Variants in ZNF878 observed in about 807,000 individuals in gnomAD.
ZNF878 encodes zinc finger protein 878.
A neutral mutation model predicts 11.1 loss-of-function variants in ZNF878; 10 were observed. That is an observed-to-expected ratio of 0.90 (90% CI 0.56 to 1.53). ZNF878 has a LOEUF of 1.53. ZNF878 is among the 40% of genes most tolerant of loss of function. The probability of loss-of-function intolerance (pLI) is 0.00; values close to 1 mark genes in which losing one functional copy is unlikely to be tolerated. For synonymous variants in ZNF878, 165 were observed against 209.7 expected, an observed-to-expected ratio of 0.79 and a Z score of 1.84; for missense variants, 548 against 626.1, an observed-to-expected ratio of 0.88 and a Z score of 1.33.
rs1348581199 is a variant in ZNF878, at chr19:12,044,209, TAC to T, written c.1190_1191del (p.Cys397Ter). 2 of 1,614,164 alleles carry T rather than the reference TAC, an allele frequency of 1.2e-6. No individual in the cohort carries two copies. Among genetic ancestry groups the T allele is most frequent in the East Asian group, 4.5e-5 (2 of 44,880 alleles). The part of the protein sequence containing the change: ...RTHTGEKPYE[C>X]KQCGKAFRSA... Reference sequence around the variant, plus strand: ...GATCTGAAGGCTTTCCCACATTGCTTACACTCATAGGGTTTCTCTCCAGTGTG... The same window carrying T: ...GATCTGAAGGCTTTCCCACATTGCTTACTCATAGGGTTTCTCTCCAGTGTG... On this transcript the variant is annotated frameshift_variant, in exon 4 of 4. Transcript: ENST00000547628. LOFTEE classifies it low-confidence loss of function (END_TRUNC).
Position 12,044,577 on chromosome 19 carries a change from C to T in ZNF878, c.824G>A (p.Arg275Lys), listed in dbSNP as rs768501176. Residue 275 changes from arginine to lysine, a missense_variant, in exon 4 of 4, where the codon AGG (arginine) becomes AAG (lysine). Coordinates refer to ENST00000547628, the MANE Select transcript of ZNF878 (RefSeq NM_001080404.3). ...ATAGGGTTTCTCTCCACTGTGAGTC[C>T]TTTCATGATATTGAAAGGAACTGGG... is the stretch of plus-strand genomic sequence containing the variant. ...NCPSSFQYHE[R>K]THSGEKPYEC... is the part of the protein sequence containing the mutation. 1.9e-6 allele frequency: 3 copies of T among 1,613,888 alleles called. No homozygotes were observed. Among genetic ancestry groups the T allele is most frequent in the African/African-American group, 1.3e-5 (1 of 74,858 alleles).
chr19:12,046,089 T>G (rs1337680114), intron 3 of ZNF878: 3 of 369,468 alleles, frequency 8.1e-6, no homozygotes, highest in Non-Finnish European at 1.4e-5. Flanking sequence ...TAGTTTTGAG[T>G]CAGGGTCTCA....
intron 1 of ZNF878, among the ~76,000 whole-genome samples, chr19:12,049,168 T>C (rs1336163398): frequency 2.8e-5 from 4 of 141,178 alleles, no homozygotes; most frequent in Admixed American, 7.2e-5. Flanking sequence ...ATAATACAGC[T>C]ACAAAGAATA....
rs368251774 is a variant in ZNF878, at chr19:12,048,887, G to A, written c.4-2127C>T. Among the ~76,000 whole-genome samples, 16 of 150,506 alleles carry A rather than the reference G, an allele frequency of 1.1e-4. No homozygotes were observed. In the East Asian group the frequency reaches 1.4e-3, roughly 13 times the overall value. ...AAGAAAAGAAAGAAAGGCTGGGCGC[G>A]GTGCCTCAGCACTTTGGGAAACTGA... On this transcript the variant is annotated intron_variant, in intron 1 of 3. Coordinates refer to ENST00000547628, the MANE Select transcript of ZNF878 (RefSeq NM_001080404.3).
In ZNF878 at chr19:12,048,525, G is replaced by GA. The variant is rs894167458; in HGVS notation, c.4-1766dup. Among the ~76,000 whole-genome samples, 169 of 117,818 alleles carry GA rather than the reference G, an allele frequency of 1.4e-3. 1 individual carries two copies. Among genetic ancestry groups the GA allele is most frequent in the Admixed American group, 3.9e-3 (46 of 11,750 alleles). The allele number at this position is 117,818 out of a possible 152,430, so 77.3% of individuals were successfully genotyped here. On this transcript the variant is annotated intron_variant, in intron 1 of 3. Coordinates refer to ENST00000547628, the MANE Select transcript of ZNF878 (RefSeq NM_001080404.3). ...TGAACGAGACTCCATCTCAAAAAAA[G>GA]AAAAAAAAAAAAGAAAAAATATGGC...
At chr19:12,049,358 G>A (rs1975527775) in intron 1 of ZNF878, among the ~76,000 whole-genome samples, 1 of 143,538 alleles carries the variant, frequency 7.0e-6, no homozygotes, top group South Asian at 2.2e-4. Context: ...CTACTTGGGA[G>A]GCTGAGGAAG....
chr19:12,044,309 C>G lies in ZNF878; in HGVS notation c.1092G>C (p.Glu364Asp). The G allele has an allele frequency of 6.2e-7, 1 of 1,612,840 alleles. No homozygotes were observed. The highest frequency in any genetic ancestry group is 8.5e-7 in the Non-Finnish European group (1 of 1,179,134). The change falls in exon 4 of 4, where the codon GAG becomes GAC. Residue 364 changes from glutamate to aspartate, a missense_variant. Glu to Asp is a conservative substitution (Grantham distance 45). Coordinates refer to ENST00000547628, the MANE Select transcript of ZNF878 (RefSeq NM_001080404.3). ...LRIHERTHTG[E>D]KPFECKQCGK... is the part of the protein sequence containing the mutation. ...CACATTGTTTACATTCAAAGGGTTT[C>G]TCTCCAGTGTGTGTCCTTTCATGTA...
chr19:12,043,708 T>G, downstream of ZNF878: 42 of 1,245,226 alleles, frequency 3.4e-5, no homozygotes, highest in Non-Finnish European at 4.6e-5. Flanking sequence ...CCCAAAATGC[T>G]GAGATTACAG....
rs374645750 is a variant in ZNF878 at position 12,044,064 on chromosome 19, G to C, written c.1337C>G (p.Thr446Arg). The C allele has an allele frequency of 3.2e-5, 51 of 1,614,060 alleles. No individual in the cohort carries two copies. The African/African-American group carries it at 5.6e-4, about 18-fold the overall frequency. The change falls in exon 4 of 4, where the codon ACA becomes AGA. Residue 446 changes from threonine (T) to arginine (R), a missense_variant. Thr to Arg is a moderately conservative substitution (Grantham distance 71). Transcript: ENST00000547628. ...SQLKMHERTH[T>R]GEKPYECKQC... Reference sequence around the variant, plus strand: ...CTTACACTCATAGGGTTTCTCTCCTGTGTGAGTCCTTTCATGCATTTTAAG... The same window carrying C: ...CTTACACTCATAGGGTTTCTCTCCTCTGTGAGTCCTTTCATGCATTTTAAG...
rs759839339 is a variant in ZNF878, at chr19:12,045,097, A to T, written c.304T>A (p.Tyr102Asn). ...LKKKTPGVQS[Y>N]ESSVCGEIGI... ...ATTTCTCCACACACACTGCTTTCAT[A>T]TGATTGTACTCCAGGAGTTTTCTTC... The change falls in exon 4 of 4, where the codon TAT (tyrosine) becomes AAT (asparagine). Residue 102 changes from tyrosine to asparagine, a missense_variant. Physicochemically the swap from Tyr to Asn is moderately radical, Grantham distance 143. This residue lies in a region of ZNF878 where 160 missense variants were observed against 173.3 expected (regional missense o/e 0.92). Coordinates refer to ENST00000547628, the MANE Select transcript of ZNF878 (RefSeq NM_001080404.3). 2 of 1,613,552 alleles carry T rather than the reference A, an allele frequency of 1.2e-6. No individual in the cohort carries two copies. The highest frequency in any genetic ancestry group is 1.7e-6 in the Non-Finnish European group (2 of 1,179,690).
At chr19:12,051,629 G>A (rs932394942) in intron 1 of ZNF878, among the ~76,000 whole-genome samples, 2 of 152,082 alleles carry the variant, frequency 1.3e-5, no homozygotes, top group Admixed American at 6.6e-5. Flanking sequence ...AAAATTGGCC[G>A]GGCGCAGTGG....
In ZNF878 at chr19:12,043,843, A is replaced by G. The variant is rs1440533253; in HGVS notation, c.1558T>C (p.Ser520Pro). Residue 520 changes from serine to proline, a missense_variant, in exon 4 of 4, where the codon TCA becomes CCA. Physicochemically the swap from Ser to Pro is moderately conservative, Grantham distance 74. Transcript: ENST00000547628. ...KQCGKAFRSA[S>P]ILQKHVRTHA... is the part of the protein sequence containing the mutation. Reference sequence around the variant, plus strand: ...GTCCTTACATGCTTTTGAAGGATTGAGGCAGATCTAAAGGCTTTACCACAT... The same window carrying G: ...GTCCTTACATGCTTTTGAAGGATTGGGGCAGATCTAAAGGCTTTACCACAT... The G allele has an allele frequency of 6.2e-7, 1 of 1,611,462 alleles. No individual in the cohort carries two copies. The highest frequency in any genetic ancestry group is 8.5e-7 in the Non-Finnish European group (1 of 1,179,148).
Position 12,044,517 on chromosome 19 carries a change from A to G in ZNF878, c.884T>C (p.Val295Ala). 6.2e-7 allele frequency: 1 copy of G among 1,611,712 alleles called. No homozygotes were observed. The highest frequency in any genetic ancestry group is 8.5e-7 in the Non-Finnish European group (1 of 1,179,332). ...TCTTTCATGTACTCGCAGGTACTTG[A>G]CAGATCTGAAGGCTTTCCTACATTG... ...CTQCRKAFRS[V>A]KYLRVHERKH... The change falls in exon 4 of 4, where the codon GTC (valine) becomes GCC (alanine). Residue 295 changes from valine to alanine, a missense_variant. Val to Ala is a moderately conservative substitution (Grantham distance 64). Around this residue, in one of 3 missense-constraint regions of ZNF878, gnomAD observed 335 missense variants for 358.2 expected, o/e 0.94. Transcript: ENST00000547628.
chr19:12,043,973 C>T lies in ZNF878; in HGVS notation c.1428G>A (p.Glu476=). The T allele has an allele frequency of 2.5e-6, 4 of 1,610,788 alleles. No individual in the cohort carries two copies. Among genetic ancestry groups the T allele is most frequent in the Non-Finnish European group, 3.4e-6 (4 of 1,177,698 alleles). The part of the protein sequence containing the change: ...IRYHKRTHTG[E]KPYKCKQCGK... ...CACACTGTTTACATTTATAGGGTTTCTCTCCAGTGTGAGTCCTTTTATGAT... is the reference window on the plus strand; with the variant it reads ...CACACTGTTTACATTTATAGGGTTTTTCTCCAGTGTGAGTCCTTTTATGAT... The change falls in exon 4 of 4, where the codon GAG becomes GAA. Residue 476 remains glutamate, a synonymous_variant. Coordinates refer to ENST00000547628, the MANE Select transcript of ZNF878 (RefSeq NM_001080404.3).
rs1235205062 is a variant in ZNF878 at position 12,045,070 on chromosome 19, C to T, written c.331G>A (p.Gly111Ser). ...CTATTAAGGGATGAAAGACCTATGCCGATTTCTCCACACACACTGCTTTCA... is the reference window on the plus strand; with the variant it reads ...CTATTAAGGGATGAAAGACCTATGCTGATTTCTCCACACACACTGCTTTCA... Reference protein sequence around the residue: ...SYESSVCGEIGIGLSSLNRHL... With the variant: ...SYESSVCGEISIGLSSLNRHL... Residue 111 changes from glycine (G) to serine (S), a missense_variant, in exon 4 of 4, where the codon GGC becomes AGC. Around this residue, in one of 3 missense-constraint regions of ZNF878, gnomAD observed 160 missense variants for 173.3 expected, o/e 0.92. Coordinates refer to ENST00000547628, the MANE Select transcript of ZNF878 (RefSeq NM_001080404.3). 17 of 1,613,842 alleles carry T rather than the reference C, an allele frequency of 1.1e-5. No homozygotes were observed. Among genetic ancestry groups the T allele is most frequent in the East Asian group, 2.2e-5 (1 of 44,868 alleles).
chr19:12,049,474 A>AAAAAAAAAAAAAAAAAAAAAAAT (rs1975530008), intron 1 of ZNF878, among the ~76,000 whole-genome samples: 1 of 147,942 alleles, frequency 6.8e-6, no homozygotes, highest in African/African-American at 2.5e-5. Context: ...AAAAAAAAAA[A>AAAAAAAAAAAAAAAAAAAAAAAT]AAAAAAAGAA....
Position 12,052,819 on chromosome 19 carries a change from TTCTGGCGTCCTC to T in ZNF878, c.-30_-19del, listed in dbSNP as rs1328419715. On this transcript the variant is annotated 5_prime_UTR_variant, in exon 1 of 4. Transcript: ENST00000547628. Reference sequence around the variant, plus strand: ...CTCACCATTTCCTGGCTTCCAGGTATTCTGGCGTCCTCTCTAAAGGTCCCGTGAACAGTGCAG... The same window carrying T: ...CTCACCATTTCCTGGCTTCCAGGTATTCTAAAGGTCCCGTGAACAGTGCAG... 1 of 1,535,848 alleles carries T rather than the reference TTCTGGCGTCCTC, an allele frequency of 6.5e-7. No homozygotes were observed. Among genetic ancestry groups the T allele is most frequent in the African/African-American group, 1.4e-5 (1 of 73,050 alleles).
Position 12,046,450 on chromosome 19 carries a change from A to C in ZNF878, c.131-22T>G, listed in dbSNP as rs1975489240. ...TTTCCTAAAATGCGGACCCAGAAAA[A>C]TAGTCCTGAATTAGTATAAAATTAT... On this transcript the variant is annotated intron_variant, in intron 2 of 3. Coordinates refer to ENST00000547628, the MANE Select transcript of ZNF878 (RefSeq NM_001080404.3). 4.5e-6 allele frequency: 7 copies of C among 1,565,596 alleles called. No homozygotes were observed. In the East Asian group the frequency reaches 1.6e-4, roughly 36 times the overall value.
In ZNF878 at chr19:12,043,895, A is replaced by C. The variant is rs1975422661; in HGVS notation, c.1506T>G (p.Thr502=). The C allele has an allele frequency of 6.2e-7, 1 of 1,613,636 alleles. No individual in the cohort carries two copies. Among genetic ancestry groups the C allele is most frequent in the African/African-American group, 1.3e-5 (1 of 74,800 alleles). Residue 502 remains threonine, a synonymous_variant, in exon 4 of 4, where the codon ACT becomes ACG. Coordinates refer to ENST00000547628, the MANE Select transcript of ZNF878 (RefSeq NM_001080404.3). ...NSFLYHERIH[T]GEKPYECKQC... is the part of the protein sequence containing the mutation. ...GCTTACACTCATAGGGTTTCTCTCC[A>C]GTATGAATCCTTTCATGGTAGAGAA...
Sources: allele counts gnomAD v4.1 joint callset (sites outside exome capture counted in the v4.1 genomes callset), GRCh38; gene constraint gnomAD v4.1.1; regional missense constraint gnomAD v4.1.1; transcripts MANE v1.5; gene names NCBI Gene and HGNC (gene_info 2026-07-23, HGNC 2026-07-21).